Variants in NRXN3 observed in about 807,000 individuals in gnomAD.
NRXN3 encodes the protein neurexin III.
In NRXN3, 32 loss-of-function variants were observed where a neutral mutation model predicts 137.6. The ratio of observed to expected loss-of-function variants is 0.23; its 90% confidence interval spans 0.18 to 0.31. NRXN3 has a LOEUF of 0.31. Ranked by LOEUF, NRXN3 falls within the 10% of genes least tolerant of loss-of-function variation. The probability of loss-of-function intolerance (pLI) is 1.00; values close to 1 mark genes in which losing one functional copy is unlikely to be tolerated. For missense variants in NRXN3, 1,574 were observed against 2,062.5 expected (o/e 0.76, Z 4.59); for synonymous variants, 798 against 784.5 (o/e 1.02, Z -0.29).
intron 15 of NRXN3, among the ~76,000 whole-genome samples, chr14:79,342,843 A>G (rs533260353): frequency 3.9e-5 from 6 of 152,272 alleles, no homozygotes; most frequent in African/African-American, 1.4e-4. Flanking sequence ...GGGAATTGCA[A>G]TGGGGAAAGG....
At chr14:78,258,873 C>T (rs994136345) in intron 2 of NRXN3, among the ~76,000 whole-genome samples, 2 of 152,128 alleles carry the variant, frequency 1.3e-5, no homozygotes, top group Non-Finnish European at 2.9e-5. Flanking sequence ...TGGCTCACAC[C>T]TGTAATCCCA....
At chr14:79,815,617 A>AG (rs1244819384) in intron 20 of NRXN3, among the ~76,000 whole-genome samples, 1 of 152,192 alleles carries the variant, frequency 6.6e-6, no homozygotes, top group African/African-American at 2.4e-5. Context: ...GAGGAAAGGA[A>AG]GAGATATTGA....
At chr14:79,529,792 A>G (rs2097153790) in intron 16 of NRXN3, among the ~76,000 whole-genome samples, 1 of 152,196 alleles carries the variant, frequency 6.6e-6, no homozygotes, top group African/African-American at 2.4e-5. Context: ...TGTGTATTTG[A>G]GTCAGTTTTC....
At chr14:78,891,128 G>A (rs1182140265) in intron 10 of NRXN3, among the ~76,000 whole-genome samples, 1 of 151,912 alleles carries the variant, frequency 6.6e-6, no homozygotes, top group Non-Finnish European at 1.5e-5. Flanking sequence ...CATAAGACAG[G>A]ATGGTGTGAT....
intron 4 of NRXN3, among the ~76,000 whole-genome samples, chr14:78,358,161 C>G (rs1400230093): frequency 6.6e-6 from 1 of 152,048 alleles, no homozygotes; most frequent in Non-Finnish European, 1.5e-5. Context: ...AAAAGAGAGA[C>G]AGAAAGTCAA....
At chr14:78,961,369 C>T (rs71414771) in intron 11 of NRXN3, among the ~76,000 whole-genome samples, 2 of 152,154 alleles carry the variant, frequency 1.3e-5, no homozygotes, top group South Asian at 4.1e-4. Flanking sequence ...GCCCCTCCCC[C>T]CAGAAGTTAG....
intron 16 of NRXN3, among the ~76,000 whole-genome samples, chr14:79,548,528 A>C (rs900830099): frequency 2.0e-5 from 3 of 152,094 alleles, no homozygotes; most frequent in Non-Finnish European, 4.4e-5. Context: ...TAGTAGAATG[A>C]TTTATAATCC....
At chr14:79,814,461 G>T (rs2099245536) in intron 20 of NRXN3, among the ~76,000 whole-genome samples, 1 of 152,180 alleles carries the variant, frequency 6.6e-6, no homozygotes, top group Admixed American at 6.5e-5. Context: ...TTATAAGGCT[G>T]ATCACTGGTT....
intron 4 of NRXN3, among the ~76,000 whole-genome samples, chr14:78,610,501 C>T (rs2097291642): frequency 6.6e-6 from 1 of 152,138 alleles, no homozygotes; most frequent in Non-Finnish European, 1.5e-5. Flanking sequence ...GTCCCCTTCT[C>T]TTATTTGCAA....
At chr14:78,348,539 T>G (rs2083058732) in intron 4 of NRXN3, among the ~76,000 whole-genome samples, 1 of 152,168 alleles carries the variant, frequency 6.6e-6, no homozygotes, top group Non-Finnish European at 1.5e-5. Flanking sequence ...AACATCTTAT[T>G]CTTAATCTTC....
intron 15 of NRXN3, among the ~76,000 whole-genome samples, chr14:79,258,895 CT>C (rs1399750378): frequency 6.6e-6 from 1 of 152,192 alleles, no homozygotes; most frequent in East Asian, 1.9e-4. Flanking sequence ...GAAACTTTGT[CT>C]TTTCCTTCAA....
At chr14:78,721,027 T>C (rs2098457299) in intron 8 of NRXN3, among the ~76,000 whole-genome samples, 1 of 152,148 alleles carries the variant, frequency 6.6e-6, no homozygotes, top group Admixed American at 6.5e-5. Context: ...GCAGAGGGGA[T>C]AGAGACATAA....
intron 15 of NRXN3, among the ~76,000 whole-genome samples, chr14:79,404,309 T>G (rs1186474751): frequency 6.6e-6 from 1 of 152,190 alleles, no homozygotes; most frequent in Non-Finnish European, 1.5e-5. Context: ...GTTTCAGATT[T>G]GTAATTGTCC....
chr14:78,631,042 C>A (rs2097517338), intron 4 of NRXN3, among the ~76,000 whole-genome samples: 1 of 152,132 alleles, frequency 6.6e-6, no homozygotes, highest in Non-Finnish European at 1.5e-5. Context: ...TAATGGCATT[C>A]TGTTGTTTAT....
rs78304513 is a variant in NRXN3 at position 79,059,801 on chromosome 14, G to A, written c.3262+71660G>A. The stretch of plus-strand genomic sequence containing the variant: ...GAGGAAGAGGGGAAATCAAAAGAAT[G>A]AGAGCAATGAGCCTATTACTCTTGA... On this transcript the variant is annotated intron_variant, in intron 15 of 20. Transcript: ENST00000335750. Among the ~76,000 whole-genome samples the A allele has an allele frequency of 2.4e-3, 370 of 152,328 alleles. 2 individuals are homozygous for A. The highest frequency in any genetic ancestry group is 8.1e-3 in the African/African-American group (336 of 41,578).
chr14:79,637,944 G>T (rs1567742594), intron 16 of NRXN3, among the ~76,000 whole-genome samples: 1 of 151,846 alleles, frequency 6.6e-6, no homozygotes, highest in South Asian at 2.1e-4. Context: ...TAGCCAGGCT[G>T]GTCTTGAACT....
At chr14:79,789,958 C>T (rs749502111) in intron 19 of NRXN3, among the ~76,000 whole-genome samples, 1 of 152,098 alleles carries the variant, frequency 6.6e-6, no homozygotes, top group Non-Finnish European at 1.5e-5. Flanking sequence ...AGAGTTTGGG[C>T]TTGTTCCTAG....
chr14:78,269,848 G>T (rs1365069988), intron 2 of NRXN3, among the ~76,000 whole-genome samples: 1 of 152,138 alleles, frequency 6.6e-6, no homozygotes, highest in Non-Finnish European at 1.5e-5. Context: ...CCTAAACTCT[G>T]GGAAGTCGGA....
chr14:78,420,304 C>A (rs528180126), intron 4 of NRXN3, among the ~76,000 whole-genome samples: 2 of 152,216 alleles, frequency 1.3e-5, no homozygotes, highest in East Asian at 3.9e-4. Context: ...AATCTTTATA[C>A]AGGAAAGGTA....
Sources: gnomAD v4.1 joint callset for allele counts (sites outside exome capture counted in the v4.1 genomes callset) on GRCh38, gnomAD v4.1.1 for gene constraint, MANE v1.5 for transcripts, NCBI Gene and HGNC (gene_info 2026-07-23, HGNC 2026-07-21) for gene names.